The following RPL18A variants were observed in gnomAD, a reference collection of about 807,000 sequenced individuals.
RPL18A encodes large ribosomal subunit protein eL20.
For missense variants in RPL18A, 163 were observed against 254.1 expected (o/e 0.64, Z 2.44); for synonymous variants, 122 against 96.9 (o/e 1.26, Z -1.52).
chr19:17,862,551 C>T (rs1163748172), intron 3 of RPL18A: 3 of 701,206 alleles, frequency 4.3e-6, no homozygotes, highest in African/African-American at 1.7e-5. Flanking sequence ...TTCCCTGGCT[C>T]ACCTGCCAGG....
At chr19:17,860,696 C>G (rs2147715097) in intron 1 of RPL18A, 2 of 153,758 alleles carry the variant, frequency 1.3e-5, no homozygotes, top group East Asian at 3.8e-4. Context: ...ATCACAGAGC[C>G]TGGACTTGAC....
chr19:17,859,955 C>G lies in RPL18A; in HGVS notation c.-2C>G, dbSNP rs2094274003. 2.6e-6 allele frequency: 4 copies of G among 1,540,220 alleles called. No individual in the cohort carries two copies. Among genetic ancestry groups the G allele is most frequent in the Non-Finnish European group, 3.5e-6 (4 of 1,144,194 alleles). On this transcript the variant is annotated 5_prime_UTR_variant, in exon 1 of 5. Coordinates refer to ENST00000222247, the MANE Select transcript of RPL18A (RefSeq NM_000980.4). The stretch of plus-strand genomic sequence containing the variant: ...GGTGGCGGCGAACGCGGAGAGCACG[C>G]CATGAAGGCCTCGGGCACGGTAAGG...
In RPL18A at chr19:17,861,378, C is replaced by G. The variant is rs1322482135; in HGVS notation, c.104C>G (p.Pro35Arg). 1 of 1,612,394 alleles carries G rather than the reference C, an allele frequency of 6.2e-7. No individual in the cohort carries two copies. The highest frequency in any genetic ancestry group is 8.5e-7 in the Non-Finnish European group (1 of 1,179,042). Residue 35 changes from proline (P) to arginine (R), a missense_variant, in exon 2 of 5, where the codon CCT becomes CGT. Physicochemically the swap from Pro to Arg is moderately radical, Grantham distance 103 (BLOSUM62 -2). Coordinates refer to ENST00000222247, the MANE Select transcript of RPL18A (RefSeq NM_000980.4). ...PPLYRMRIFA[P>R]NHVVAKSRFW... The stretch of plus-strand genomic sequence containing the variant: ...CTCTACCGCATGCGAATCTTTGCGC[C>G]TAATCATGTCGTCGCCAAGTCCCGC...
intron 3 of RPL18A, 115 bp downstream of exon 3, chr19:17,862,338 C>A: frequency 1.5e-6 from 2 of 1,298,690 alleles, no homozygotes; most frequent in Non-Finnish European, 1.1e-6. Context: ...GGTGGCGGGG[C>A]ACAGGAAGAC....
chr19:17,863,099 C>A, intron 4 of RPL18A, 72 bp downstream of exon 4: 1 of 1,546,966 alleles, frequency 6.5e-7, no homozygotes, highest in Non-Finnish European at 8.9e-7. Flanking sequence ...GGGGCGGCTA[C>A]ACCTTGGTGG....
chr19:17,862,045 G>A, intron 2 of RPL18A, 49 bp from the exon 3 acceptor site: 1 of 1,601,526 alleles, frequency 6.2e-7, no homozygotes, highest in Non-Finnish European at 8.5e-7. Flanking sequence ...TGGGGCTAGG[G>A]CACATCGGCT....
Position 17,862,129 on chromosome 19 carries a change from C to T in RPL18A, c.234C>T (p.Phe78=), listed in dbSNP as rs772958537. The change falls in exon 3 of 5, where the codon TTC becomes TTT. Residue 78 remains phenylalanine, a synonymous_variant. Transcript: ENST00000222247. ...FEKSPLRVKN[F]GIWLRYDSRS... ...AGTCCCCCCTGCGGGTGAAGAACTT[C>T]GGGATCTGGCTGCGCTATGACTCCC... 37 of 1,612,232 alleles carry T rather than the reference C, an allele frequency of 2.3e-5. No individual in the cohort carries two copies. The highest frequency in any genetic ancestry group is 2.1e-4 in the Middle Eastern group (1 of 4,708).
At chr19:17,861,806 G>A in intron 2 of RPL18A, 2 of 542,800 alleles carry the variant, frequency 3.7e-6, no homozygotes, top group Non-Finnish European at 3.3e-6. Context: ...AGCTAGGTTG[G>A]CCCAGACAGG....
chr19:17,863,161 T>A lies in RPL18A; in HGVS notation c.439-10T>A. 6.2e-7 allele frequency: 1 copy of A among 1,611,762 alleles called. No homozygotes were observed. Among genetic ancestry groups the A allele is most frequent in the South Asian group, 1.1e-5 (1 of 91,006 alleles). ...TTCCAACCCCCTCAACATGCCTCCC[T>A]TCCTCACAGGACTCCAAGATCAAGT... On this transcript the variant is annotated splice_polypyrimidine_tract_variant and intron_variant, in intron 4 of 4. Coordinates refer to ENST00000222247, the MANE Select transcript of RPL18A (RefSeq NM_000980.4).
chr19:17,863,130 A>C, intron 4 of RPL18A, 41 bp from the exon 5 acceptor site: 1 of 1,576,908 alleles, frequency 6.3e-7, no homozygotes, highest in Non-Finnish European at 8.7e-7. Flanking sequence ...TGGGGTGTTA[A>C]GAGGCTTCCA....
chr19:17,861,979 CAT>C, intron 2 of RPL18A, 113 bp from the exon 3 acceptor site: 1 of 1,244,502 alleles, frequency 8.0e-7, no homozygotes, highest in Non-Finnish European at 1.1e-6. Flanking sequence ...AGAGTCTGGC[CAT>C]AGAGTAGGCC....
At chr19:17,862,052 G>T in intron 2 of RPL18A, 42 bp from the exon 3 acceptor site, 5 of 1,604,932 alleles carry the variant, frequency 3.1e-6, no homozygotes, top group Non-Finnish European at 3.4e-6. Context: ...AGGGCACATC[G>T]GCTTGCTGCT....
chr19:17,860,125 G>C, intron 1 of RPL18A, 151 bp downstream of exon 1: 1 of 657,644 alleles, frequency 1.5e-6, no homozygotes, highest in Non-Finnish European at 2.4e-6. Context: ...CACCCAACAT[G>C]GCGGCCATCG....
intron 3 of RPL18A, chr19:17,862,483 T>C: frequency 1.5e-6 from 1 of 680,982 alleles, no homozygotes; most frequent in South Asian, 1.5e-5. Flanking sequence ...ACCACTGTTT[T>C]CTGGGACCCA....
intron 3 of RPL18A, 82 bp downstream of exon 3, chr19:17,862,305 C>T: frequency 6.5e-7 from 1 of 1,531,342 alleles, no homozygotes. Flanking sequence ...CAGAGGTTCC[C>T]AGTGCAGGAG....
chr19:17,860,063 C>A, intron 1 of RPL18A, 89 bp downstream of exon 1: 1 of 1,238,266 alleles, frequency 8.1e-7, no homozygotes, highest in Non-Finnish European at 1.1e-6. Context: ...CGGGTTGGTG[C>A]CGCGCGCTTC....
intron 3 of RPL18A, 109 bp from the exon 4 acceptor site, chr19:17,862,809 T>C: frequency 2.5e-6 from 2 of 807,822 alleles, no homozygotes; most frequent in Non-Finnish European, 4.4e-6. Flanking sequence ...CCTCAGGCAG[T>C]TGCTGTGACC....
intron 3 of RPL18A, 60 bp downstream of exon 3, chr19:17,862,283 C>G: frequency 6.3e-7 from 1 of 1,586,852 alleles, no homozygotes; most frequent in Non-Finnish European, 8.6e-7. Flanking sequence ...CACACTGAGG[C>G]AGGGCAAGTG....
chr19:17,860,616 G>T (rs73020694), intron 1 of RPL18A: 1 of 152,556 alleles, frequency 6.6e-6, no homozygotes, highest in Admixed American at 6.5e-5. Context: ...GCGATAATTT[G>T]TGACTATTTT....
Sources: allele counts gnomAD v4.1 joint callset, GRCh38; gene constraint gnomAD v4.1.1; transcripts MANE v1.5; gene names NCBI Gene and HGNC (gene_info 2026-07-23, HGNC 2026-07-21).